Variants in TANC1 observed in about 807,000 individuals in gnomAD.
The protein encoded by TANC1 is tetratricopeptide repeat, ankyrin repeat and coiled-coil containing 1.
TANC1 carries 77 observed loss-of-function variants against 149.7 expected under a neutral mutation model. The ratio of observed to expected loss-of-function variants is 0.51; its 90% CI spans 0.43 to 0.62. The LOEUF is 0.62. Among genes scored for constraint, TANC1 ranks in the 20% least tolerant of loss-of-function variants. The probability of loss-of-function intolerance (pLI) is 0.00; values close to 1 mark genes in which losing one functional copy is unlikely to be tolerated. For missense variants in TANC1, 1,985 were observed against 2,321.8 expected, an observed-to-expected ratio of 0.85 and a Z score of 2.98; for synonymous variants, 854 against 925.0, an observed-to-expected ratio of 0.92 and a Z score of 1.39.
chr2:159,168,466 A>AT (rs977243018), intron 8 of TANC1, among the ~76,000 whole-genome samples: 2 of 151,224 alleles, frequency 1.3e-5, no homozygotes, highest in South Asian at 2.1e-4. Flanking sequence ...TGCCCAGCTA[A>AT]TTTTTTTTGT....
At chr2:159,036,137 G>A (rs193270604) in intron 2 of TANC1, among the ~76,000 whole-genome samples, 22 of 152,246 alleles carry the variant, frequency 1.4e-4, no homozygotes, top group Admixed American at 1.1e-3. Flanking sequence ...GCTGGGAGAC[G>A]ATTCCCTTCC....
At chr2:159,106,171 G>A (rs1006269065) in intron 4 of TANC1, among the ~76,000 whole-genome samples, 9 of 151,970 alleles carry the variant, frequency 5.9e-5, no homozygotes, top group East Asian at 1.9e-4. Context: ...TTTACAGTTC[G>A]ATGTTCTTTT....
chr2:159,036,418 C>T (rs1256510148), intron 2 of TANC1, among the ~76,000 whole-genome samples: 2 of 152,070 alleles, frequency 1.3e-5, no homozygotes, highest in Non-Finnish European at 2.9e-5. Context: ...GTGCAGGTTT[C>T]TTACATATGT....
chr2:159,113,023 CTCCTGGGCTTAA>C (rs2150036495), intron 4 of TANC1, among the ~76,000 whole-genome samples: 1 of 152,220 alleles, frequency 6.6e-6, no homozygotes, highest in East Asian at 1.9e-4. Context: ...CAACCTCTTC[CTCCTGGGCTTAA>C]TCGATCCTCC....
intron 3 of TANC1, among the ~76,000 whole-genome samples, chr2:159,091,464 G>C (rs1448652716): frequency 6.6e-6 from 1 of 152,102 alleles, no homozygotes; most frequent in Non-Finnish European, 1.5e-5. Flanking sequence ...GTTTTTCTGA[G>C]GTCATTTATT....
intron 22 of TANC1, 118 bp downstream of exon 22, chr2:159,219,985 TG>T: frequency 3.8e-6 from 2 of 531,862 alleles, no homozygotes; most frequent in South Asian, 2.8e-5. Context: ...AGAGTGTGTG[TG>T]TGTGTGTGTG....
intron 18 of TANC1, among the ~76,000 whole-genome samples, chr2:159,197,698 A>AT (rs1292548379): frequency 1.3e-5 from 2 of 152,144 alleles, no homozygotes; most frequent in Non-Finnish European, 2.9e-5. Context: ...AAAAGTCATC[A>AT]TTGGGAGGAC....
rs1440816940 is a variant in TANC1, at chr2:159,071,487, G to A, written c.61+5516G>A. Among the ~76,000 whole-genome samples, 3 of 152,294 alleles carry A rather than the reference G, an allele frequency of 2.0e-5. No individual in the cohort carries two copies. The East Asian group carries it at 5.8e-4, about 29-fold the overall frequency. On this transcript the variant is annotated intron_variant, in intron 3 of 26. Transcript: ENST00000263635. ...ATGATGTTAATTAAGGCATTGGATA[G>A]TCTCTAAGCCTGTGTGTGTACTGAA...
chr2:159,223,786 A>G (rs544603207), intron 22 of TANC1, among the ~76,000 whole-genome samples: 13 of 152,314 alleles, frequency 8.5e-5, no homozygotes, highest in African/African-American at 2.4e-4. Flanking sequence ...CAAGCTGCCA[A>G]TCTTAACAGT....
At chr2:159,035,362 A>C (rs1206215521) in intron 2 of TANC1, among the ~76,000 whole-genome samples, 1 of 152,202 alleles carries the variant, frequency 6.6e-6, no homozygotes, top group Non-Finnish European at 1.5e-5. Context: ...TTACATGAGA[A>C]TATTTTGTGG....
At chr2:159,041,879 G>A (rs563184059) in intron 2 of TANC1, among the ~76,000 whole-genome samples, 1 of 152,104 alleles carries the variant, frequency 6.6e-6, no homozygotes, top group Non-Finnish European at 1.5e-5. Flanking sequence ...GTCACGCTGC[G>A]GGCTGAAGAC....
rs985705035 is a variant in TANC1, at chr2:159,034,416, C to T, written c.-15-31480C>T. On this transcript the variant is annotated intron_variant, in intron 2 of 26. Coordinates refer to ENST00000263635, the MANE Select transcript of TANC1 (RefSeq NM_033394.3). Reference sequence around the variant, plus strand: ...TGGGAGTTGGTCAGGTGTAGTGACTCTCAATCCTGGCTACACATTAAAATC... The same window carrying T: ...TGGGAGTTGGTCAGGTGTAGTGACTTTCAATCCTGGCTACACATTAAAATC... Among the ~76,000 whole-genome samples, 4 of 152,192 alleles carry T rather than the reference C, an allele frequency of 2.6e-5. 1 individual carries two copies. Among genetic ancestry groups the T allele is most frequent in the Non-Finnish European group, 5.9e-5 (4 of 68,034 alleles).
At chr2:158,989,796 T>C (rs1443884894) in intron 1 of TANC1, among the ~76,000 whole-genome samples, 1 of 152,162 alleles carries the variant, frequency 6.6e-6, no homozygotes. Context: ...TGCATCAGAA[T>C]AGCATAATGG....
intron 4 of TANC1, among the ~76,000 whole-genome samples, chr2:159,120,410 G>A (rs1255567616): frequency 6.6e-6 from 1 of 151,874 alleles, no homozygotes; most frequent in African/African-American, 2.4e-5. Flanking sequence ...TGAGTATTCT[G>A]AAAGGGAGAG....
chr2:159,127,084 AT>A (rs370460958), intron 4 of TANC1, among the ~76,000 whole-genome samples: 343 of 152,362 alleles, frequency 2.3e-3, no homozygotes, highest in Non-Finnish European at 4.2e-3. Flanking sequence ...AAGTGTTAAC[AT>A]TTATTTTAAT....
At chr2:159,172,454 T>C (rs2055362724) in intron 11 of TANC1, among the ~76,000 whole-genome samples, 182 bp downstream of exon 11, 1 of 152,226 alleles carries the variant, frequency 6.6e-6, no homozygotes, top group African/African-American at 2.4e-5. Flanking sequence ...AGTATCTGTT[T>C]TAAGACATTG....
At position 159,230,996 on chromosome 2, in the gene TANC1, T is replaced by C; in HGVS notation, c.5570T>C (p.Ile1857Thr). Residue 1857 changes from isoleucine (I) to threonine (T), a missense_variant, in exon 27 of 27, where the codon ATA (isoleucine) becomes ACA (threonine). Coordinates refer to ENST00000263635, the MANE Select transcript of TANC1 (RefSeq NM_033394.3). This position sits in a 1 kb window ranked among gnomAD's most constrained non-coding sequence, Gnocchi z 4.4. ...LTAAKPKRSF[I>T]ESNV ...GCAGCCAAACCAAAGCGATCATTTA[T>C]AGAGTCAAATGTGTGAACCTTAAGA... The C allele has an allele frequency of 3.7e-6, 6 of 1,611,720 alleles. No homozygotes were observed. The highest frequency in any genetic ancestry group is 5.1e-6 in the Non-Finnish European group (6 of 1,178,902).
At chr2:158,985,846 G>T (rs1385707327) in intron 1 of TANC1, among the ~76,000 whole-genome samples, 1 of 152,106 alleles carries the variant, frequency 6.6e-6, no homozygotes, top group Non-Finnish European at 1.5e-5. Flanking sequence ...GTTTCACCAC[G>T]TGGCCAGGCT....
intron 1 of TANC1, among the ~76,000 whole-genome samples, chr2:158,994,003 T>C (rs2035918566): frequency 6.6e-6 from 1 of 152,338 alleles, no homozygotes; most frequent in South Asian, 2.1e-4. Context: ...GAAAAACCTT[T>C]CTCATTGTTT....
Sources: allele counts gnomAD v4.1 joint callset (sites outside exome capture counted in the v4.1 genomes callset), GRCh38; gene constraint gnomAD v4.1.1; non-coding constraint Gnocchi (gnomAD v3.1); transcripts MANE v1.5; gene names NCBI Gene and HGNC (gene_info 2026-07-23, HGNC 2026-07-21).